The following ANKS1A variants were observed in gnomAD, a reference collection of about 807,000 sequenced individuals.
ANKS1A encodes the protein ankyrin repeat and sterile alpha motif domain containing 1A, also known as ankyrin repeat and SAM domain-containing protein 1A.
In ANKS1A, 55 loss-of-function variants were observed where a neutral mutation model predicts 120.3. The observed-to-expected ratio is 0.46, with a 90% CI of 0.37 to 0.57. The LOEUF is 0.57. Among genes scored for constraint, ANKS1A ranks in the 20% least tolerant of loss-of-function variants. The pLI is 0.00. For missense variants in ANKS1A, 1,123 were observed against 1,480.3 expected, an observed-to-expected ratio of 0.76 and a Z score of 3.96; for synonymous variants, 590 against 604.7, an observed-to-expected ratio of 0.98 and a Z score of 0.36.
chr6:35,053,513 C>T (rs953893354), intron 11 of ANKS1A, among the ~76,000 whole-genome samples: 6 of 152,254 alleles, frequency 3.9e-5, no homozygotes, highest in African/African-American at 1.2e-4. Context: ...AGCAAAAGGC[C>T]TTCCATTTGG....
downstream of ANKS1A, among the ~76,000 whole-genome samples, chr6:35,095,499 G>C (rs1426507495): frequency 6.9e-6 from 1 of 145,548 alleles, no homozygotes; most frequent in East Asian, 2.1e-4. Context: ...GGAGGTTGCA[G>C]TGAGCCAAGA....
At chr6:35,092,586 C>G (rs1778341964), downstream of ANKS1A, among the ~76,000 whole-genome samples, 1 of 152,156 alleles carries the variant, frequency 6.6e-6, no homozygotes, top group Non-Finnish European at 1.5e-5. Flanking sequence ...ATCCCCACAT[C>G]CCTTGGCTCC....
Position 34,982,709 on chromosome 6 carries a change from T to G in ANKS1A, c.733-43T>G. ...TTTGTCACGTGAAGCCGCACCAAAC[T>G]GTTCTGATGACATCCCGCTCTGCGC... On this transcript the variant is annotated intron_variant, in intron 4 of 23. Transcript: ENST00000360359. The surrounding 1 kb of genome is among the most constrained non-coding windows in gnomAD (Gnocchi z 4.9). 6.2e-7 allele frequency: 1 copy of G among 1,607,732 alleles called. No homozygotes were observed. The highest frequency in any genetic ancestry group is 8.5e-7 in the Non-Finnish European group (1 of 1,174,100).
chr6:35,045,506 C>T (rs1056510364), intron 11 of ANKS1A, among the ~76,000 whole-genome samples: 2 of 152,166 alleles, frequency 1.3e-5, no homozygotes, highest in South Asian at 2.1e-4. Context: ...GTTTTTAATT[C>T]ATAAGTCCTT....
rs1049634633 is a variant in ANKS1A, at chr6:35,044,930, T to C, written c.2011-9169T>C. Among the ~76,000 whole-genome samples the C allele has an allele frequency of 6.6e-6, 1 of 152,198 alleles. No homozygotes were observed. The highest frequency in any genetic ancestry group is 2.4e-5 in the African/African-American group (1 of 41,458). On this transcript the variant is annotated intron_variant, in intron 11 of 23. Coordinates refer to ENST00000360359, the MANE Select transcript of ANKS1A (RefSeq NM_015245.3). This position sits in a 1 kb window ranked among gnomAD's most constrained non-coding sequence, Gnocchi z 4.4. ...CTGGCATCTGTGGTTTTACGAGGAC[T>C]ACAGATGTTTCCCAGTGTAAGTAAG...
chr6:35,078,771 A>G (rs820101), intron 14 of ANKS1A, 115 bp downstream of exon 14: 821,532 of 951,786 alleles, frequency 0.86, 355,660 homozygotes, highest in East Asian at 0.92. Flanking sequence ...ACATCATAGC[A>G]GGACCTCTAC....
At chr6:35,062,029 C>T (rs902313106) in intron 13 of ANKS1A, among the ~76,000 whole-genome samples, 16 of 152,258 alleles carry the variant, frequency 1.1e-4, no homozygotes, top group Non-Finnish European at 1.0e-4. Context: ...AGGATTCCTA[C>T]CCCTCAAATA....
chr6:34,962,460 C>T (rs1248452980), intron 1 of ANKS1A, among the ~76,000 whole-genome samples: 1 of 152,082 alleles, frequency 6.6e-6, no homozygotes, highest in African/African-American at 2.4e-5. Flanking sequence ...ATATATATTA[C>T]CTCACATATC....
At chr6:34,941,990 T>C (rs889796992) in intron 1 of ANKS1A, among the ~76,000 whole-genome samples, 10 of 152,250 alleles carry the variant, frequency 6.6e-5, no homozygotes, top group Non-Finnish European at 1.5e-4. Flanking sequence ...AGGTTAATAA[T>C]ATCATTAGCC....
chr6:35,024,726 C>T (rs1014845062), intron 11 of ANKS1A, among the ~76,000 whole-genome samples: 1 of 152,150 alleles, frequency 6.6e-6, no homozygotes, highest in African/African-American at 2.4e-5. Flanking sequence ...CTCGCCACCT[C>T]GCCCTTTCCA....
intron 3 of ANKS1A, among the ~76,000 whole-genome samples, chr6:34,972,152 C>T (rs1330555579): frequency 6.6e-6 from 1 of 152,142 alleles, no homozygotes; most frequent in Non-Finnish European, 1.5e-5. Flanking sequence ...TGCCTTGAAA[C>T]ACAGCTGCTT....
intron 10 of ANKS1A, among the ~76,000 whole-genome samples, chr6:35,016,980 G>A (rs1471974356): frequency 2.0e-5 from 3 of 149,970 alleles, no homozygotes; most frequent in Admixed American, 1.3e-4. Flanking sequence ...GCCAGAGGAA[G>A]GGAGGGCGGG....
downstream of ANKS1A, among the ~76,000 whole-genome samples, chr6:35,094,957 T>C (rs1345402834): frequency 6.6e-6 from 1 of 150,882 alleles, no homozygotes; most frequent in Non-Finnish European, 1.5e-5. Context: ...CTGGGCAACA[T>C]AGTGGGACCC....
rs766999402 is a variant in ANKS1A, at chr6:35,079,841, C to A, written c.2457C>A (p.Leu819=). 49 of 1,575,114 alleles carry A rather than the reference C, an allele frequency of 3.1e-5. 1 individual carries two copies. The highest frequency in any genetic ancestry group is 1.9e-5 in the Non-Finnish European group (22 of 1,160,338). ...ELVNVLKVQL[L]GHRKRIIASL... ...CCCAGGTCCTGAAGGTCCAGCTGCTCGGCCATCGCAAGCGCATCATCGCCT... is the reference window on the plus strand; with the variant it reads ...CCCAGGTCCTGAAGGTCCAGCTGCTAGGCCATCGCAAGCGCATCATCGCCT... Residue 819 remains leucine, a synonymous_variant, in exon 16 of 24, where the codon CTC becomes CTA. Transcript: ENST00000360359.
intron 11 of ANKS1A, among the ~76,000 whole-genome samples, chr6:35,038,556 A>G (rs1356796955): frequency 6.6e-6 from 1 of 152,062 alleles, no homozygotes; most frequent in African/African-American, 2.4e-5. Context: ...ACAATAGCTC[A>G]CTATAGCCTC....
At chr6:34,907,175 G>A (rs1448422378) in intron 1 of ANKS1A, among the ~76,000 whole-genome samples, 7 of 152,202 alleles carry the variant, frequency 4.6e-5, no homozygotes, top group African/African-American at 1.7e-4. Flanking sequence ...CTGAGGAACT[G>A]TCACAGAGAC....
At chr6:35,093,834 G>T (rs1778380122), downstream of ANKS1A, among the ~76,000 whole-genome samples, 1 of 152,152 alleles carries the variant, frequency 6.6e-6, no homozygotes, top group African/African-American at 2.4e-5. Flanking sequence ...AGGAAAAATG[G>T]GGCCCCACCC....
At position 34,889,268 on chromosome 6, in the gene ANKS1A, T is replaced by G; in HGVS notation, c.-135T>G. On this transcript the variant is annotated 5_prime_UTR_variant, in exon 1 of 24. Transcript: ENST00000360359. This position sits in a 1 kb window ranked among gnomAD's most constrained non-coding sequence, Gnocchi z 5.5. ...CCGGATCCCGGAAGTGACGCGCTCG[T>G]GGGGAAAAGGCAGGGAGGGGGTGGT... is the stretch of plus-strand genomic sequence containing the variant. The G allele has an allele frequency of 6.1e-6, 7 of 1,150,472 alleles. No individual in the cohort carries two copies. The highest frequency in any genetic ancestry group is 5.4e-6 in the Non-Finnish European group (5 of 919,968). The allele number at this position is 1,150,472 out of a possible 1,614,324, so 71.3% of individuals were successfully genotyped here. A position where few individuals can be genotyped will look rare whatever the true frequency, so the allele number is the denominator to read the frequency against.
chr6:34,895,198 T>G (rs892740951), intron 1 of ANKS1A, among the ~76,000 whole-genome samples: 1 of 147,642 alleles, frequency 6.8e-6, no homozygotes, highest in Non-Finnish European at 1.5e-5. Context: ...GACTTTGGTT[T>G]TTTTTTTTTT....
Sources: gnomAD v4.1 joint callset for allele counts (sites outside exome capture counted in the v4.1 genomes callset) on GRCh38, gnomAD v4.1.1 for gene constraint, Gnocchi (gnomAD v3.1) non-coding constraint, MANE v1.5 for transcripts, NCBI Gene and HGNC (gene_info 2026-07-23, HGNC 2026-07-21) for gene names.